ZNF69: variants seen among roughly 807,000 people sequenced by gnomAD.
ZNF69 encodes ZNF3.
ZNF69 carries 47 observed loss-of-function variants against 50.9 expected under a neutral mutation model. That is an observed-to-expected ratio of 0.92 (90% CI 0.73 to 1.18). The LOEUF is 1.18. Ranked by LOEUF, ZNF69 falls within the 50% of genes most tolerant of loss-of-function variation. ZNF69 has a pLI of 0.00. For synonymous variants in ZNF69, 216 were observed against 223.1 expected (o/e 0.97, Z 0.29); for missense variants, 717 against 675.1 (o/e 1.06, Z -0.69).
chr19:11,930,333 G>C, the ZNF69 span, among the ~76,000 whole-genome samples: 1 of 148,496 alleles, frequency 6.7e-6, no homozygotes, highest in South Asian at 2.1e-4. Context: ...ACCCCAACAA[G>C]GTTGTATTTA....
chr19:11,892,124 A>G lies in ZNF69; in HGVS notation c.63+4138A>G, dbSNP rs981582135. Among the ~76,000 whole-genome samples the G allele has an allele frequency of 5.0e-5, 7 of 140,460 alleles. No individual in the cohort carries two copies. In the Admixed American group the frequency reaches 5.1e-4, roughly 10 times the overall value. 92.1% of individuals were successfully genotyped at this position (140,460 alleles called of 152,430 possible). A position where few individuals can be genotyped will look rare whatever the true frequency, so the allele number is the denominator to read the frequency against. ...GCTGAGACTACAGTCGCCCACCAGC[A>G]CTCCTGGCTGATTTTTTTTTTTTTT... On this transcript the variant is annotated intron_variant, in intron 1 of 3. Coordinates refer to ENST00000429654, the MANE Select transcript of ZNF69 (RefSeq NM_001364730.1).
At chr19:11,947,051 G>A in the ZNF69 span, 3 of 1,407,152 alleles carry the variant, frequency 2.1e-6, no homozygotes, top group Non-Finnish European at 2.8e-6. Flanking sequence ...GAGAGAAAGG[G>A]ATCTGATAAC....
At chr19:11,928,107 C>T in the ZNF69 span, among the ~76,000 whole-genome samples, 1 of 152,068 alleles carries the variant, frequency 6.6e-6, no homozygotes, top group Non-Finnish European at 1.5e-5. Context: ...GCACCTCCGC[C>T]TCTCAAGTAG....
chr19:11,947,926 C>T, the ZNF69 span, among the ~76,000 whole-genome samples: 2 of 152,060 alleles, frequency 1.3e-5, no homozygotes, highest in African/African-American at 4.8e-5. Flanking sequence ...GAGGATCACT[C>T]GAGACTTCAG....
downstream of ZNF69, among the ~76,000 whole-genome samples, chr19:11,915,282 C>A (rs1443038859): frequency 6.6e-6 from 1 of 152,228 alleles, no homozygotes; most frequent in Non-Finnish European, 1.5e-5. Flanking sequence ...GCCAAATACA[C>A]CCTGATACTT....
At chr19:11,969,065 A>G in the ZNF69 span, among the ~76,000 whole-genome samples, 1 of 152,286 alleles carries the variant, frequency 6.6e-6, no homozygotes, top group South Asian at 2.1e-4. Context: ...GATGATGTAG[A>G]GATTCATCAG....
At chr19:11,964,957 C>T in the ZNF69 span, 1 of 476,446 alleles carries the variant, frequency 2.1e-6, no homozygotes. Context: ...AAGTGAGGGG[C>T]GGGGCCTAGC....
downstream of ZNF69, among the ~76,000 whole-genome samples, chr19:11,914,761 G>A (rs1335672850): frequency 6.6e-6 from 1 of 152,146 alleles, no homozygotes; most frequent in Non-Finnish European, 1.5e-5. Flanking sequence ...CAAAATCCAG[G>A]CACCACAAGA....
At chr19:11,945,241 C>G in the ZNF69 span, among the ~76,000 whole-genome samples, 1 of 152,176 alleles carries the variant, frequency 6.6e-6, no homozygotes, top group East Asian at 1.9e-4. Context: ...TTTGTGACCC[C>G]ATATAGAGGT....
At chr19:11,972,412 G>A in the ZNF69 span, among the ~76,000 whole-genome samples, 2 of 152,144 alleles carry the variant, frequency 1.3e-5, no homozygotes, top group African/African-American at 2.4e-5. Flanking sequence ...ATTTATTTTT[G>A]TATAAAGTGT....
At chr19:11,910,175 C>T (rs1310722003), downstream of ZNF69, among the ~76,000 whole-genome samples, 3 of 152,108 alleles carry the variant, frequency 2.0e-5, no homozygotes, top group Non-Finnish European at 4.4e-5. Flanking sequence ...TCAAAGAGGA[C>T]ACAAACAAAT....
chr19:11,941,977 A>T, the ZNF69 span, among the ~76,000 whole-genome samples: 1 of 294 alleles, frequency 3.4e-3, no homozygotes, highest in African/African-American at 0.012. Flanking sequence ...ATCTGTGCTT[A>T]TTACACCTGG....
chr19:11,887,996 T>C lies in ZNF69; in HGVS notation c.63+10T>C. ...TGAAAGCCAGGAAATGGTGCGTGTC[T>C]GGGGCCGGGTGTCGTGAGACGGGGG... On this transcript the variant is annotated intron_variant, in intron 1 of 3. Transcript: ENST00000429654. The C allele has an allele frequency of 6.2e-7, 1 of 1,609,896 alleles. No homozygotes were observed.
At chr19:11,915,570 A>G (rs747610377), downstream of ZNF69, among the ~76,000 whole-genome samples, 7 of 152,296 alleles carry the variant, frequency 4.6e-5, 1 homozygote, top group Admixed American at 3.3e-4. Flanking sequence ...AGTCAGTGAC[A>G]TTGGTGCCTG....
chr19:11,977,031 G>C, the ZNF69 span: 5 of 1,614,158 alleles, frequency 3.1e-6, no homozygotes, highest in Admixed American at 1.7e-5. Context: ...CATGTGAGAT[G>C]TTTCAGGACC....
chr19:11,921,584 C>T, the ZNF69 span, among the ~76,000 whole-genome samples: 3 of 151,948 alleles, frequency 2.0e-5, no homozygotes. Context: ...CTCACTGCAA[C>T]CTTCCAACTC....
the ZNF69 span, among the ~76,000 whole-genome samples, chr19:11,963,088 A>AGAGAGTGTGTGT: frequency 7.2e-6 from 1 of 138,248 alleles, no homozygotes; most frequent in Admixed American, 7.0e-5. Context: ...AGAGAGAGAG[A>AGAGAGTGTGTGT]GTGTGTGTGT....
At chr19:11,925,162 A>G in the ZNF69 span, 1 of 1,605,332 alleles carries the variant, frequency 6.2e-7, no homozygotes, top group Non-Finnish European at 8.5e-7. Context: ...CCAGCCCGAG[A>G]GGGACCTGGT....
At chr19:11,965,032 T>G in the ZNF69 span, 2 of 683,140 alleles carry the variant, frequency 2.9e-6, no homozygotes, top group Non-Finnish European at 2.5e-6. Context: ...ACAGAGTGGG[T>G]CGCATTCCTG....
Sources: gnomAD v4.1 joint callset for allele counts (sites outside exome capture counted in the v4.1 genomes callset) on GRCh38, gnomAD v4.1.1 for gene constraint, MANE v1.5 for transcripts, NCBI Gene and HGNC (gene_info 2026-07-23, HGNC 2026-07-21) for gene names.